CNTNAP5: variants seen among roughly 807,000 people sequenced by gnomAD.
The protein encoded by CNTNAP5 is contactin-associated protein-like 5.
CNTNAP5 carries 72 observed loss-of-function variants against 150.2 expected under a neutral mutation model. The ratio of observed to expected loss-of-function variants is 0.48; its 90% CI spans 0.40 to 0.58. The LOEUF is 0.58. CNTNAP5 is among the 20% of genes least tolerant of loss of function. CNTNAP5 has a pLI of 0.00. For synonymous variants in CNTNAP5, 672 were observed against 619.8 expected (o/e 1.08, Z -1.25); for missense variants, 1,636 against 1,626.2 (o/e 1.01, Z -0.10).
At chr2:124,517,682 G>T (rs1457434848) in intron 8 of CNTNAP5, among the ~76,000 whole-genome samples, 15 of 141,518 alleles carry the variant, frequency 1.1e-4, no homozygotes, top group Admixed American at 7.9e-4. Flanking sequence ...GAGGGTTGTG[G>T]TGTTTGTGAT....
At chr2:124,200,860 T>C (rs1443202392) in intron 1 of CNTNAP5, among the ~76,000 whole-genome samples, 1 of 152,184 alleles carries the variant, frequency 6.6e-6, no homozygotes, top group Non-Finnish European at 1.5e-5. Context: ...CTGGGTTTCC[T>C]GCAGTTTTCC....
chr2:124,912,652 T>C (rs1180896102), intron 23 of CNTNAP5, among the ~76,000 whole-genome samples: 1 of 152,140 alleles, frequency 6.6e-6, no homozygotes, highest in Non-Finnish European at 1.5e-5. Flanking sequence ...GAAAGAATTT[T>C]GTGCCTATTT....
intron 3 of CNTNAP5, among the ~76,000 whole-genome samples, chr2:124,327,836 C>G (rs1461061094): frequency 1.3e-5 from 2 of 152,178 alleles, no homozygotes; most frequent in African/African-American, 4.8e-5. Flanking sequence ...ACCCCAACCA[C>G]TTGGGCCCAT....
chr2:124,026,841 G>A (rs1009955445), intron 1 of CNTNAP5, among the ~76,000 whole-genome samples: 11 of 152,212 alleles, frequency 7.2e-5, no homozygotes, highest in Non-Finnish European at 1.0e-4. Flanking sequence ...TACCACATAG[G>A]GACCTTTCTA....
chr2:124,790,011 G>T lies in CNTNAP5; in HGVS notation c.2862G>T (p.Arg954Ser). 5.6e-6 allele frequency: 9 copies of T among 1,613,930 alleles called. No individual in the cohort carries two copies. Among genetic ancestry groups the T allele is most frequent in the Non-Finnish European group, 7.6e-6 (9 of 1,179,850 alleles). ...EERAKVTSGVRPGCPGHCSSY... is the reference protein window; with the variant it reads ...EERAKVTSGVSPGCPGHCSSY... The stretch of plus-strand genomic sequence containing the variant: ...GGGCAAAGGTCACATCTGGAGTCAG[G>T]CCAGGCTGCCCCGGCCACTGCAGCA... Residue 954 changes from arginine to serine, a missense_variant, in exon 18 of 24, where the codon AGG (arginine) becomes AGT (serine). By Grantham distance (110) the Arg-to-Ser change is moderately radical. Transcript: ENST00000682447.
chr2:124,195,242 A>AC (rs1685555873), intron 1 of CNTNAP5, among the ~76,000 whole-genome samples: 1 of 152,152 alleles, frequency 6.6e-6, no homozygotes, highest in African/African-American at 2.4e-5. Context: ...GGGAGAGCAG[A>AC]CGTGACCCCA....
intron 4 of CNTNAP5, among the ~76,000 whole-genome samples, chr2:124,419,281 A>G (rs2104779011): frequency 6.6e-6 from 1 of 151,514 alleles, no homozygotes; most frequent in East Asian, 1.9e-4. Context: ...GCTTTTTCTC[A>G]GTCTGTTCAG....
At chr2:124,075,800 G>T (rs186421033) in intron 1 of CNTNAP5, among the ~76,000 whole-genome samples, 36 of 152,296 alleles carry the variant, frequency 2.4e-4, no homozygotes, top group African/African-American at 7.5e-4. Context: ...TGGTCATGCT[G>T]TGCATCTCTT....
At chr2:124,247,257 C>T (rs1687053363) in intron 3 of CNTNAP5, among the ~76,000 whole-genome samples, 1 of 152,114 alleles carries the variant, frequency 6.6e-6, no homozygotes, top group Non-Finnish European at 1.5e-5. Context: ...GTGAGAATCT[C>T]ATCACCATCA....
intron 1 of CNTNAP5, among the ~76,000 whole-genome samples, chr2:124,081,815 T>C (rs1263469269): frequency 6.6e-6 from 1 of 152,220 alleles, no homozygotes; most frequent in African/African-American, 2.4e-5. Flanking sequence ...TAAGAAATAG[T>C]GAGAGATCCT....
At chr2:124,749,694 G>T (rs113478950) in intron 14 of CNTNAP5, among the ~76,000 whole-genome samples, 1 of 152,004 alleles carries the variant, frequency 6.6e-6, no homozygotes, top group Non-Finnish European at 1.5e-5. Context: ...GATTACAGGC[G>T]TGAGCCAACG....
At chr2:124,299,563 C>A (rs113739378) in intron 3 of CNTNAP5, among the ~76,000 whole-genome samples, 4,748 of 152,086 alleles carry the variant, frequency 0.031, 119 homozygotes, top group Admixed American at 0.078. Flanking sequence ...GTATATATAC[C>A]ACATTTTCTT....
In CNTNAP5 at chr2:124,480,208, T is replaced by C. The variant is rs576757776; in HGVS notation, c.1062+5326T>C. Among the ~76,000 whole-genome samples, 17 of 152,292 alleles carry C rather than the reference T, an allele frequency of 1.1e-4. No individual in the cohort carries two copies. The South Asian group carries it at 3.3e-3, about 30-fold the overall frequency. On this transcript the variant is annotated intron_variant, in intron 7 of 23. Transcript: ENST00000682447. ...TAAATATATTACAAACTTAATCATC[T>C]CATTTATTTGAGAAAATTTGATGAA...
chr2:124,706,051 C>T (rs1227646893), intron 13 of CNTNAP5, among the ~76,000 whole-genome samples: 1 of 152,110 alleles, frequency 6.6e-6, no homozygotes, highest in Non-Finnish European at 1.5e-5. Flanking sequence ...TTGTTGGGTC[C>T]AGAAGAAACT....
chr2:124,794,806 A>T (rs1014702693), intron 18 of CNTNAP5, among the ~76,000 whole-genome samples: 2 of 152,134 alleles, frequency 1.3e-5, no homozygotes, highest in African/African-American at 4.8e-5. Flanking sequence ...ATTTTGAAGA[A>T]AATCTCAGAT....
chr2:124,167,686 G>A (rs1270694046), intron 1 of CNTNAP5, among the ~76,000 whole-genome samples: 1 of 152,176 alleles, frequency 6.6e-6, no homozygotes, highest in East Asian at 1.9e-4. Flanking sequence ...AAGGACAGCT[G>A]AGCTGCTTCC....
intron 19 of CNTNAP5, among the ~76,000 whole-genome samples, chr2:124,854,475 T>C (rs781430439): frequency 6.6e-6 from 1 of 152,172 alleles, no homozygotes; most frequent in Non-Finnish European, 1.5e-5. Flanking sequence ...TAATACAGAG[T>C]AGGCACATCA....
chr2:124,891,415 G>A (rs1678192127), intron 21 of CNTNAP5, among the ~76,000 whole-genome samples: 1 of 152,114 alleles, frequency 6.6e-6, no homozygotes, highest in South Asian at 2.1e-4. Context: ...AATCAGCTCA[G>A]ATTCAAGAGG....
At chr2:124,063,748 C>T (rs1351787861) in intron 1 of CNTNAP5, among the ~76,000 whole-genome samples, 1 of 152,110 alleles carries the variant, frequency 6.6e-6, no homozygotes. Flanking sequence ...TGATAATGAA[C>T]GTGGAGATGG....
Sources: gnomAD v4.1 joint callset for allele counts (sites outside exome capture counted in the v4.1 genomes callset) on GRCh38, gnomAD v4.1.1 for gene constraint, MANE v1.5 for transcripts, NCBI Gene and HGNC (gene_info 2026-07-23, HGNC 2026-07-21) for gene names.